Variants in GABRB2 observed in about 807,000 individuals in gnomAD.
GABRB2 encodes gamma-aminobutyric acid receptor subunit beta-2.
In GABRB2, 16 loss-of-function variants were observed where a neutral mutation model predicts 54.7. That is an observed-to-expected ratio of 0.29 (90% CI 0.20 to 0.44). GABRB2 has a LOEUF of 0.44. GABRB2 is among the 20% of genes least tolerant of loss of function. The pLI is 1.00. For synonymous variants in GABRB2, 244 were observed against 233.8 expected (o/e 1.04, Z -0.40); for missense variants, 355 against 644.0 (o/e 0.55, Z 4.86).
chr5:161,328,899 T>A (rs1176228549), intron 8 of GABRB2, among the ~76,000 whole-genome samples: 3 of 152,160 alleles, frequency 2.0e-5, no homozygotes, highest in Admixed American at 6.6e-5. Flanking sequence ...TGAGAACCAC[T>A]GAAAAATACT....
At chr5:161,351,383 G>T (rs987155839) in intron 5 of GABRB2, among the ~76,000 whole-genome samples, 3 of 152,054 alleles carry the variant, frequency 2.0e-5, no homozygotes, top group African/African-American at 7.2e-5. Flanking sequence ...AAGGAGCCCA[G>T]AAATAAATCC....
At chr5:161,366,640 T>C (rs1337913829) in intron 5 of GABRB2, among the ~76,000 whole-genome samples, 1 of 152,162 alleles carries the variant, frequency 6.6e-6, no homozygotes, top group Non-Finnish European at 1.5e-5. Context: ...TGGTACCCTA[T>C]TTTTAATAGA....
intron 5 of GABRB2, among the ~76,000 whole-genome samples, chr5:161,401,092 C>T (rs1756174327): frequency 6.6e-6 from 1 of 152,104 alleles, no homozygotes; most frequent in Non-Finnish European, 1.5e-5. Flanking sequence ...AGGTAGTCTA[C>T]CCACACTCTG....
chr5:161,516,433 A>G (rs908556829), intron 3 of GABRB2, among the ~76,000 whole-genome samples: 1 of 152,140 alleles, frequency 6.6e-6, no homozygotes, highest in Non-Finnish European at 1.5e-5. Context: ...GCCTACCAAC[A>G]ATGTAATTTG....
At chr5:161,536,973 G>T (rs981825629) in intron 3 of GABRB2, among the ~76,000 whole-genome samples, 2 of 151,716 alleles carry the variant, frequency 1.3e-5, no homozygotes, top group African/African-American at 4.8e-5. Flanking sequence ...TGTAGTCTTC[G>T]ACCACCGAAA....
chr5:161,384,673 G>A (rs951289159), intron 5 of GABRB2, among the ~76,000 whole-genome samples: 4 of 152,154 alleles, frequency 2.6e-5, no homozygotes, highest in Non-Finnish European at 5.9e-5. Flanking sequence ...GTATTACTGA[G>A]GATAATTGTG....
At chr5:161,370,160 C>G (rs896794108) in intron 5 of GABRB2, among the ~76,000 whole-genome samples, 1 of 152,034 alleles carries the variant, frequency 6.6e-6, no homozygotes, top group East Asian at 1.9e-4. Flanking sequence ...ATGACCTTGT[C>G]AAGAAGATAT....
Position 161,441,059 on chromosome 5 carries a change from A to G in GABRB2, c.458+18565T>C, listed in dbSNP as rs78583540. On this transcript the variant is annotated intron_variant, in intron 4 of 9. Coordinates refer to ENST00000393959, the MANE Select transcript of GABRB2 (RefSeq NM_001371727.1). ...CTCCAAGACATTGGTCTGGGCAAAGATTTCGTGAGCAGTACCTGCAAGCAC... is the reference window on the plus strand; with the variant it reads ...CTCCAAGACATTGGTCTGGGCAAAGGTTTCGTGAGCAGTACCTGCAAGCAC... Among the ~76,000 whole-genome samples the G allele has an allele frequency of 5.1e-3, 782 of 152,300 alleles. 10 individuals are homozygous for G. The highest frequency in any genetic ancestry group is 0.017 in the African/African-American group (711 of 41,570).
intron 3 of GABRB2, among the ~76,000 whole-genome samples, chr5:161,482,349 T>C (rs2113330317): frequency 6.6e-6 from 1 of 152,224 alleles, no homozygotes; most frequent in East Asian, 1.9e-4. Flanking sequence ...TGATTCTTGA[T>C]TGAAAGAATT....
chr5:161,294,135 G>A lies in GABRB2; in HGVS notation c.1485C>T (p.Phe495=). ...TGTTGAAGAAGGAAAAAACCACTGG[G>A]AAGAATATGCGGGACCACCGATCTA... ...NAIDRWSRIF[F]PVVFSFFNIV... Residue 495 remains phenylalanine (F), a synonymous_variant, in exon 10 of 10, where the codon TTC becomes TTT. Coordinates refer to ENST00000393959, the MANE Select transcript of GABRB2 (RefSeq NM_001371727.1). 6.2e-7 allele frequency: 1 copy of A among 1,613,910 alleles called. No individual in the cohort carries two copies. The highest frequency in any genetic ancestry group is 8.5e-7 in the Non-Finnish European group (1 of 1,179,902).
intron 9 of GABRB2, among the ~76,000 whole-genome samples, chr5:161,300,319 T>C (rs939267972): frequency 3.3e-5 from 5 of 152,194 alleles, no homozygotes; most frequent in African/African-American, 1.2e-4. Flanking sequence ...CTTTGAAATA[T>C]CTGTTTTCAT....
intron 9 of GABRB2, among the ~76,000 whole-genome samples, chr5:161,323,027 CTT>C (rs397882556): frequency 7.8e-5 from 11 of 140,922 alleles, no homozygotes; most frequent in East Asian, 2.1e-4. Flanking sequence ...TTGAAATATA[CTT>C]TTTTTTTTTT....
rs576297603 is a variant in GABRB2 at position 161,501,539 on chromosome 5, T to A, written c.238-41695A>T. ...CATTTTTCAATGTTATTGGCACAGATTCAGAGACCCACTAACTTAAGTGCT... is the reference window on the plus strand; with the variant it reads ...CATTTTTCAATGTTATTGGCACAGAATCAGAGACCCACTAACTTAAGTGCT... On this transcript the variant is annotated intron_variant, in intron 3 of 9. Transcript: ENST00000393959. Among the ~76,000 whole-genome samples, 35 of 152,296 alleles carry A rather than the reference T, an allele frequency of 2.3e-4. No individual in the cohort carries two copies. The South Asian group carries it at 7.0e-3, about 31-fold the overall frequency.
chr5:161,409,767 CCG>C (rs1436004290), intron 5 of GABRB2, among the ~76,000 whole-genome samples: 1 of 152,054 alleles, frequency 6.6e-6, no homozygotes, highest in Non-Finnish European at 1.5e-5. Context: ...TAAATTGTAG[CCG>C]TAAGTTTAGA....
intron 3 of GABRB2, among the ~76,000 whole-genome samples, chr5:161,497,528 A>G (rs922037046): frequency 1.2e-4 from 9 of 77,128 alleles, no homozygotes; most frequent in Admixed American, 1.7e-4. Flanking sequence ...GAGTGTGTGT[A>G]TATGTGTGTG....
chr5:161,449,862 G>A (rs1310373324), intron 4 of GABRB2, among the ~76,000 whole-genome samples: 3 of 151,892 alleles, frequency 2.0e-5, no homozygotes, highest in Non-Finnish European at 4.4e-5. Flanking sequence ...AGAGTAAAAT[G>A]AAGACCTGGC....
In GABRB2 at chr5:161,291,849, G is replaced by A. The variant is rs1757246059; in HGVS notation, c.*2232C>T. 6.6e-6 allele frequency: 1 copy of A among 152,464 alleles called. No homozygotes were observed. The highest frequency in any genetic ancestry group is 1.5e-5 in the Non-Finnish European group (1 of 68,038). The allele number at this position is 152,464 out of a possible 1,614,324, so 9.4% of individuals were successfully genotyped here. A position where few individuals can be genotyped will look rare whatever the true frequency, so the allele number is the denominator to read the frequency against. ...TGGCATTTTGGAGTTGTGCCCCTGAGTTATCAATATGTTCCTTCCTGATGT... is the reference window on the plus strand; with the variant it reads ...TGGCATTTTGGAGTTGTGCCCCTGAATTATCAATATGTTCCTTCCTGATGT... On this transcript the variant is annotated 3_prime_UTR_variant, in exon 10 of 10. Transcript: ENST00000393959.
chr5:161,408,622 C>A (rs1756414263), intron 5 of GABRB2, among the ~76,000 whole-genome samples: 1 of 151,726 alleles, frequency 6.6e-6, no homozygotes, highest in African/African-American at 2.4e-5. Context: ...GATATGCTGA[C>A]AAGGTATTAA....
rs183079304 is a variant in GABRB2, at chr5:161,399,303, T to A, written c.541+11672A>T. Among the ~76,000 whole-genome samples, 3 of 152,234 alleles carry A rather than the reference T, an allele frequency of 2.0e-5. No homozygotes were observed. The East Asian group carries it at 5.8e-4, about 29-fold the overall frequency. Reference sequence around the variant, plus strand: ...CCAGCTTAGCCACTCTGCTTGATACTGGGTCCTGAATTACCACAAACTACA... The same window carrying A: ...CCAGCTTAGCCACTCTGCTTGATACAGGGTCCTGAATTACCACAAACTACA... On this transcript the variant is annotated intron_variant, in intron 5 of 9. Transcript: ENST00000393959.
Sources: gnomAD v4.1 joint callset for allele counts (sites outside exome capture counted in the v4.1 genomes callset) on GRCh38, gnomAD v4.1.1 for gene constraint, MANE v1.5 for transcripts, NCBI Gene and HGNC (gene_info 2026-07-23, HGNC 2026-07-21) for gene names.